The following NCAN variants were observed in gnomAD, a reference collection of about 807,000 sequenced individuals.
The protein encoded by NCAN is neurocan core protein.
Under a neutral mutation model 121.8 loss-of-function variants are expected in NCAN, and 47 were observed. That is an observed-to-expected ratio of 0.39 (90% CI 0.31 to 0.49). NCAN has a LOEUF of 0.49. NCAN is among the 20% of genes least tolerant of loss of function. NCAN has a pLI of 0.92. For missense variants in NCAN, 1,517 were observed against 1,773.4 expected (o/e 0.86, Z 2.60); for synonymous variants, 633 against 702.0 (o/e 0.90, Z 1.55).
rs1341953801 is a variant in NCAN, at chr19:19,226,930, C to G, written c.1517C>G (p.Ala506Gly). 6.3e-7 allele frequency: 1 copy of G among 1,587,692 alleles called. No homozygotes were observed. Among genetic ancestry groups the G allele is most frequent in the Admixed American group, 1.7e-5 (1 of 57,768 alleles). Residue 506 changes from alanine (A) to glycine (G), a missense_variant, in exon 7 of 15, where the codon GCC (alanine) becomes GGC (glycine). Physicochemically the swap from Ala to Gly is moderately conservative, Grantham distance 60. Transcript: ENST00000252575. ...CCGGGGCTGCAAGGGGGGATGGAGGCCAGCGCCCAGCCCCCCACCTCAGAG... is the reference window on the plus strand; with the variant it reads ...CCGGGGCTGCAAGGGGGGATGGAGGGCAGCGCCCAGCCCCCCACCTCAGAG... ...PEPGLQGGME[A>G]SAQPPTSEAA...
chr19:19,233,768 C>T, intron 8 of NCAN, 21 bp from the exon 9 acceptor site: 1 of 1,497,974 alleles, frequency 6.7e-7, no homozygotes, highest in Non-Finnish European at 9.3e-7. Flanking sequence ...CTCTTCCCCA[C>T]ACTACCCATC....
rs769849829 is a variant in NCAN at position 19,224,314 on chromosome 19, T to C, written c.659T>C (p.Ile220Thr). 4.3e-6 allele frequency: 7 copies of C among 1,613,588 alleles called. No homozygotes were observed. The change falls in exon 5 of 15, where the codon ATC becomes ACC. Residue 220 changes from isoleucine to threonine, a missense_variant. Ile to Thr is a moderately conservative substitution (Grantham distance 89). Coordinates refer to ENST00000252575, the MANE Select transcript of NCAN (RefSeq NM_004386.3). ...WLSDRTVRYPITQSRPGCYGD... is the reference protein window; with the variant it reads ...WLSDRTVRYPTTQSRPGCYGD... ...TCCCCTTGTGTTGTCAGGTATCCTATCACCCAGTCCCGTCCTGGTTGCTAT... is the reference window on the plus strand; with the variant it reads ...TCCCCTTGTGTTGTCAGGTATCCTACCACCCAGTCCCGTCCTGGTTGCTAT...
At position 19,238,330 on chromosome 19, in the gene NCAN, G is replaced by A; in HGVS notation, c.3328G>A (p.Glu1110Lys). ...CTATTTTGCCCACCGGAGGGCATGG[G>A]AAGATGCCGAGAAGGACTGCCGCCG... ...YRYFAHRRAW[E>K]DAEKDCRRRS... is the part of the protein sequence containing the mutation. The change falls in exon 11 of 15, where the codon GAA becomes AAA. Residue 1110 changes from glutamate to lysine, a missense_variant. Glu to Lys is a moderately conservative substitution (Grantham distance 56). Transcript: ENST00000252575. The A allele has an allele frequency of 6.2e-7, 1 of 1,614,208 alleles. No individual in the cohort carries two copies. The highest frequency in any genetic ancestry group is 8.5e-7 in the Non-Finnish European group (1 of 1,180,038).
intron 3 of NCAN, 124 bp downstream of exon 3, chr19:19,219,440 A>C: frequency 9.2e-7 from 1 of 1,083,716 alleles, no homozygotes; most frequent in Non-Finnish European, 1.3e-6. Context: ...CATGCCTGTA[A>C]TCCCAGCACT....
At chr19:19,240,479 C>A in intron 11 of NCAN, 124 bp from the exon 12 acceptor site, 1 of 871,930 alleles carries the variant, frequency 1.1e-6, no homozygotes, top group Non-Finnish European at 1.9e-6. Flanking sequence ...CCCAGCCCAC[C>A]TCCAGGCTGG....
Position 19,226,706 on chromosome 19 carries a change from T to C in NCAN, c.1293T>C (p.Pro431=). 1 of 1,612,568 alleles carries C rather than the reference T, an allele frequency of 6.2e-7. No homozygotes were observed. Among genetic ancestry groups the C allele is most frequent in the Non-Finnish European group, 8.5e-7 (1 of 1,179,018 alleles). The change falls in exon 7 of 15, where the codon CCT becomes CCC. Residue 431 remains proline, a synonymous_variant. Coordinates refer to ENST00000252575, the MANE Select transcript of NCAN (RefSeq NM_004386.3). The part of the protein sequence containing the change: ...EKQESQQTLS[P]TPGDPMLASW... ...AGGAGTCTCAACAGACCCTCAGCCCTACCCCTGGGGACCCCATGCTGGCCT... is the reference window on the plus strand; with the variant it reads ...AGGAGTCTCAACAGACCCTCAGCCCCACCCCTGGGGACCCCATGCTGGCCT...
rs549279766 is a variant in NCAN at position 19,251,672 on chromosome 19, A to G, written c.*1761A>G. 6.6e-6 allele frequency: 1 copy of G among 152,186 alleles called. No individual in the cohort carries two copies. Among genetic ancestry groups the G allele is most frequent in the East Asian group, 1.9e-4 (1 of 5,184 alleles). 9.4% of individuals were successfully genotyped at this position (152,186 alleles called of 1,614,324 possible). On this transcript the variant is annotated 3_prime_UTR_variant, in exon 15 of 15. Coordinates refer to ENST00000252575, the MANE Select transcript of NCAN (RefSeq NM_004386.3). ...GGAGAGGAGATTGAAATATAATTGC[A>G]CCCTCATACACATTTAGGAAATGGT...
At chr19:19,236,274 T>C (rs2060880819) in intron 10 of NCAN, among the ~76,000 whole-genome samples, 1 of 152,238 alleles carries the variant, frequency 6.6e-6, no homozygotes, top group South Asian at 2.1e-4. Flanking sequence ...TCTCAAAATA[T>C]GTGTCTTTTG....
intron 8 of NCAN, among the ~76,000 whole-genome samples, chr19:19,231,721 C>T (rs1461767043): frequency 2.6e-5 from 4 of 152,094 alleles, no homozygotes; most frequent in Non-Finnish European, 4.4e-5. Context: ...TGGCTCACAC[C>T]TGTAATTCCA....
In NCAN at chr19:19,232,407, C is replaced by T. The variant is rs2060863561; in HGVS notation, c.3020-1382C>T. Among the ~76,000 whole-genome samples the T allele has an allele frequency of 1.3e-5, 2 of 152,254 alleles. 1 individual carries two copies. The highest frequency in any genetic ancestry group is 4.1e-4 in the South Asian group (2 of 4,838). Reference sequence around the variant, plus strand: ...CACCTGGCGGGGCTCATGTGTCCCGCCGCCTGGCAGCCTTGTGCGTGTGCA... The same window carrying T: ...CACCTGGCGGGGCTCATGTGTCCCGTCGCCTGGCAGCCTTGTGCGTGTGCA... On this transcript the variant is annotated intron_variant, in intron 8 of 14. Transcript: ENST00000252575.
intron 8 of NCAN, 117 bp downstream of exon 8, chr19:19,228,756 T>C (rs2060847636): frequency 8.7e-7 from 1 of 1,152,454 alleles, no homozygotes; most frequent in South Asian, 1.6e-5. Context: ...GGAAGCTTTC[T>C]AGTGGGGCAT....
chr19:19,236,227 T>G (rs949243240), intron 10 of NCAN, among the ~76,000 whole-genome samples: 30 of 152,210 alleles, frequency 2.0e-4, no homozygotes, highest in Non-Finnish European at 1.0e-4. Context: ...TCTGTCTCTG[T>G]GGATTTGCCT....
At chr19:19,223,899 T>C (rs938797946) in intron 3 of NCAN, 122 bp from the exon 4 acceptor site, 96 of 991,276 alleles carry the variant, frequency 9.7e-5, no homozygotes, top group Non-Finnish European at 1.3e-4. Flanking sequence ...ACCCACACTG[T>C]GCCTGGCGCT....
intron 8 of NCAN, among the ~76,000 whole-genome samples, 162 bp downstream of exon 8, chr19:19,228,801 A>T (rs1473492656): frequency 6.6e-6 from 1 of 152,186 alleles, no homozygotes; most frequent in Non-Finnish European, 1.5e-5. Flanking sequence ...GGTGGAGTTG[A>T]ATTTCAGAAA....
rs2060935733 is a variant in NCAN at position 19,248,854 on chromosome 19, G to A, written c.3792G>A (p.Trp1264Ter). 4 of 1,614,194 alleles carry A rather than the reference G, an allele frequency of 2.5e-6. No individual in the cohort carries two copies. The highest frequency in any genetic ancestry group is 3.4e-6 in the Non-Finnish European group (4 of 1,180,036). Residue 1264 changes from tryptophan to a stop codon, truncating the protein, a stop_gained, in exon 14 of 15, where the codon TGG (tryptophan) becomes TGA (stop). Coordinates refer to ENST00000252575, the MANE Select transcript of NCAN (RefSeq NM_004386.3). LOFTEE classifies it high-confidence loss of function. ...ATIRCRSNGK[W>*]DRPQIVCTKP... ...TTCGATGCCGGAGCAATGGCAAGTG[G>A]GACAGGCCCCAAATTGTCTGCACCA...
At position 19,251,988 on chromosome 19, in the gene NCAN, A is replaced by G. The variant is rs1226857689; in HGVS notation, c.*2077A>G. 6.6e-6 allele frequency: 1 copy of G among 152,402 alleles called. No individual in the cohort carries two copies. The highest frequency in any genetic ancestry group is 2.4e-5 in the African/African-American group (1 of 41,374). The allele number at this position is 152,402 out of a possible 1,614,324, so 9.4% of individuals were successfully genotyped here. ...TTTGCCCTGCCCCCACCTCGGCTCC[A>G]TGGTGGGAGGGGGCTCTGGTCTTTT... On this transcript the variant is annotated 3_prime_UTR_variant, in exon 15 of 15. Transcript: ENST00000252575.
Position 19,252,054 on chromosome 19 carries a change from T to A in NCAN, c.*2143T>A, listed in dbSNP as rs1298119105. On this transcript the variant is annotated 3_prime_UTR_variant, in exon 15 of 15. Transcript: ENST00000252575. ...TGTCTTTTGATCTTTCCCTTTTGGA[T>A]GTGCGTGTGTGTCTGCGTGTGCCAT... 1 of 151,910 alleles carries A rather than the reference T, an allele frequency of 6.6e-6. No individual in the cohort carries two copies. The highest frequency in any genetic ancestry group is 6.7e-5 in the Admixed American group (1 of 15,036). 9.4% of individuals were successfully genotyped at this position (151,910 alleles called of 1,614,324 possible). A position where few individuals can be genotyped will look rare whatever the true frequency, so the allele number is the denominator to read the frequency against.
In NCAN at chr19:19,225,020, C is replaced by T. The variant is rs1258158924; in HGVS notation, c.822C>T (p.Ala274=). 16 of 1,481,704 alleles carry T rather than the reference C, an allele frequency of 1.1e-5. No homozygotes were observed. Among genetic ancestry groups the T allele is most frequent in the East Asian group, 2.7e-5 (1 of 37,202 alleles). 91.8% of individuals were successfully genotyped at this position (1,481,704 alleles called of 1,614,324 possible). ...GCCCGGCCCGCCGCCTGACACTGGC[C>T]GGCGCGCGTGCACAGTGCCGCCGCC... The part of the protein sequence containing the change: ...YVGPARRLTL[A]GARAQCRRQG... The change falls in exon 6 of 15, where the codon GCC becomes GCT. Residue 274 remains alanine, a synonymous_variant. Coordinates refer to ENST00000252575, the MANE Select transcript of NCAN (RefSeq NM_004386.3). This position sits in a 1 kb window ranked among gnomAD's most constrained non-coding sequence, Gnocchi z 4.0.
Position 19,245,417 on chromosome 19 carries a change from C to T in NCAN, c.3597C>T (p.Pro1199=). The T allele has an allele frequency of 1.2e-6, 2 of 1,614,214 alleles. No homozygotes were observed. Among genetic ancestry groups the T allele is most frequent in the Admixed American group, 1.7e-5 (1 of 60,026 alleles). ...AAAGCGGGCGCTGGAACGATGTCCCCTGCAACTACAACCTACCCTATGTCT... is the reference window on the plus strand; with the variant it reads ...AAAGCGGGCGCTGGAACGATGTCCCTTGCAACTACAACCTACCCTATGTCT... ...AHESGRWNDV[P]CNYNLPYVCK... Residue 1199 remains proline, a synonymous_variant, in exon 13 of 15, where the codon CCC becomes CCT. Coordinates refer to ENST00000252575, the MANE Select transcript of NCAN (RefSeq NM_004386.3).
Sources: gnomAD v4.1 joint callset for allele counts (sites outside exome capture counted in the v4.1 genomes callset) on GRCh38, gnomAD v4.1.1 for gene constraint, Gnocchi (gnomAD v3.1) non-coding constraint, MANE v1.5 for transcripts, NCBI Gene and HGNC (gene_info 2026-07-23, HGNC 2026-07-21) for gene names.